FBXL19: variants seen among roughly 807,000 people sequenced by gnomAD.
The protein encoded by FBXL19 is F-box and leucine rich repeat protein 19, also known as F-box/LRR-repeat protein 19.
A neutral mutation model predicts 71.2 loss-of-function variants in FBXL19; 16 were observed. That is an observed-to-expected ratio of 0.22 (90% CI 0.15 to 0.34). FBXL19 has a LOEUF of 0.34. Among genes scored for constraint, FBXL19 ranks in the 10% least tolerant of loss-of-function variants. FBXL19 has a pLI of 1.00. For missense variants in FBXL19, 658 were observed against 968.2 expected (o/e 0.68, Z 4.25); for synonymous variants, 447 against 409.4 (o/e 1.09, Z -1.11).
chr16:30,931,596 T>G (rs530143893), intron 7 of FBXL19, among the ~76,000 whole-genome samples: 1 of 152,228 alleles, frequency 6.6e-6, no homozygotes, highest in Non-Finnish European at 1.5e-5. Flanking sequence ...AGTTCATGGC[T>G]GAACTCAAAC....
intron 2 of FBXL19, 55 bp from the exon 3 acceptor site, chr16:30,927,253 G>A: frequency 6.6e-7 from 1 of 1,505,740 alleles, no homozygotes; most frequent in Non-Finnish European, 8.9e-7. Context: ...AGAAGGAAGG[G>A]TCTTTCCCCT....
At chr16:30,928,354 C>T (rs971513785) in intron 5 of FBXL19, 113 bp from the exon 6 acceptor site, 10 of 1,159,024 alleles carry the variant, frequency 8.6e-6, no homozygotes, top group South Asian at 1.7e-5. Flanking sequence ...ATCCCTGGGA[C>T]GGGGGCTTCT....
intron 7 of FBXL19, among the ~76,000 whole-genome samples, chr16:30,933,139 TA>T (rs2055693943): frequency 6.6e-6 from 1 of 152,056 alleles, no homozygotes; most frequent in African/African-American, 2.4e-5. Context: ...TAGCTGGGAC[TA>T]CAGGCATACG....
At position 30,928,549 on chromosome 16, in the gene FBXL19, G is replaced by T. The variant is rs1185120037; in HGVS notation, c.710G>T (p.Gly237Val). ...LLRGSDPGGP[G>V]LLPPRVLNPS... is the part of the protein sequence containing the mutation. Reference sequence around the variant, plus strand: ...CGAGGATCGGACCCAGGCGGCCCGGGCCTGCTGCCCCCCAGGGTTCTGAAT... The same window carrying T: ...CGAGGATCGGACCCAGGCGGCCCGGTCCTGCTGCCCCCCAGGGTTCTGAAT... Residue 237 changes from glycine (G) to valine (V), a missense_variant, in exon 6 of 11, where the codon GGC becomes GTC. Gly to Val is a moderately radical substitution (Grantham distance 109). This residue lies in a region of FBXL19 where 447 missense variants were observed against 515.4 expected (regional missense o/e 0.87). Transcript: ENST00000338343. 6.2e-7 allele frequency: 1 copy of T among 1,608,354 alleles called. No homozygotes were observed. Among genetic ancestry groups the T allele is most frequent in the Non-Finnish European group, 8.5e-7 (1 of 1,177,402 alleles).
chr16:30,943,367 A>ATTTTTTTTTTTTT (rs34002102), intron 9 of FBXL19, among the ~76,000 whole-genome samples: 2 of 67,586 alleles, frequency 3.0e-5, no homozygotes, highest in Non-Finnish European at 5.6e-5. Context: ...TTTTTTTGTA[A>ATTTTTTTTTTTTT]TTTTTTTTTT....
At chr16:30,938,210 C>T (rs1259562406) in intron 7 of FBXL19, among the ~76,000 whole-genome samples, 1 of 151,984 alleles carries the variant, frequency 6.6e-6, no homozygotes, top group East Asian at 1.9e-4. Context: ...GTGCCCTCAG[C>T]CTTCTCTAAA....
chr16:30,924,777 G>A (rs781729886), intron 1 of FBXL19: 2 of 1,478,574 alleles, frequency 1.4e-6, no homozygotes, highest in Non-Finnish European at 1.8e-6. Context: ...GGGTAAGACT[G>A]ACTGGGAAGA....
In FBXL19 at chr16:30,947,267, G is replaced by T. The variant is rs754708360; in HGVS notation, c.*37G>T. 1.1e-5 allele frequency: 17 copies of T among 1,492,092 alleles called. No individual in the cohort carries two copies. The highest frequency in any genetic ancestry group is 1.3e-5 in the Non-Finnish European group (15 of 1,118,638). The allele number at this position is 1,492,092 out of a possible 1,614,324, so 92.4% of individuals were successfully genotyped here. ...CCACCCTCCCCCGGACTCGACAGGA[G>T]CCTGGACCTCCGGCTTCATTTCACC... On this transcript the variant is annotated 3_prime_UTR_variant, in exon 11 of 11. Coordinates refer to ENST00000338343, the MANE Select transcript of FBXL19 (RefSeq NM_001382779.1).
At chr16:30,933,007 A>AT (rs538518289) in intron 7 of FBXL19, among the ~76,000 whole-genome samples, 576 of 142,054 alleles carry the variant, frequency 4.1e-3, no homozygotes, top group Admixed American at 6.6e-3. Flanking sequence ...TGCCTGGCTA[A>AT]TTTTTTTTTT....
rs2055564271 is a variant in FBXL19 at position 30,924,352 on chromosome 16, G to T, written c.-132G>T. 1 of 162,482 alleles carries T rather than the reference G, an allele frequency of 6.2e-6. No homozygotes were observed. The highest frequency in any genetic ancestry group is 2.4e-5 in the African/African-American group (1 of 41,754). The allele number at this position is 162,482 out of a possible 1,614,324, so 10.1% of individuals were successfully genotyped here. Reference sequence around the variant, plus strand: ...CCCTCGGGGGGCCGTGGACCCCGGCGTTCTGAGCGTTCCGCGCCCCGCGCC... The same window carrying T: ...CCCTCGGGGGGCCGTGGACCCCGGCTTTCTGAGCGTTCCGCGCCCCGCGCC... On this transcript the variant is annotated 5_prime_UTR_variant, in exon 1 of 11. Coordinates refer to ENST00000338343, the MANE Select transcript of FBXL19 (RefSeq NM_001382779.1).
intron 1 of FBXL19, 53 bp downstream of exon 1, chr16:30,924,512 A>G: frequency 1.1e-6 from 1 of 877,344 alleles, no homozygotes; most frequent in Non-Finnish European, 1.6e-6. Context: ...GCCCACTCCC[A>G]TTCATCCTCA....
chr16:30,946,959 TC>T lies in FBXL19; in HGVS notation c.1846+16del. On this transcript the variant is annotated intron_variant, in intron 10 of 10. Coordinates refer to ENST00000338343, the MANE Select transcript of FBXL19 (RefSeq NM_001382779.1). The surrounding 1 kb of genome is among the most constrained non-coding windows in gnomAD (Gnocchi z 6.7). ...ACCTCAATCTTGCTGGTAAGCACGG[TC>T]CCCCATCCGTCCTGCCAGCCTGTGG... 6.3e-7 allele frequency: 1 copy of T among 1,598,822 alleles called. No homozygotes were observed.
intron 6 of FBXL19, among the ~76,000 whole-genome samples, chr16:30,929,597 C>T (rs779212534): frequency 3.3e-5 from 5 of 152,154 alleles, no homozygotes; most frequent in African/African-American, 4.8e-5. Context: ...CTCGCTCTGT[C>T]GCCCGTACTG....
At chr16:30,928,041 G>C (rs2055619118) in intron 5 of FBXL19, 78 bp downstream of exon 5, 5 of 1,029,370 alleles carry the variant, frequency 4.9e-6, no homozygotes, top group Non-Finnish European at 7.0e-6. Context: ...CTGTGGGGCT[G>C]TGTGGGCCTG....
At chr16:30,932,732 G>T (rs1374133471) in intron 7 of FBXL19, among the ~76,000 whole-genome samples, 1 of 152,134 alleles carries the variant, frequency 6.6e-6, no homozygotes, top group Admixed American at 6.6e-5. Flanking sequence ...AAAAGGACAC[G>T]AGCCGGGCAG....
intron 5 of FBXL19, 52 bp from the exon 6 acceptor site, chr16:30,928,415 A>G: frequency 6.8e-7 from 1 of 1,471,374 alleles, no homozygotes. Context: ...CTGGCCCATG[A>G]GGGCCTAATG....
At chr16:30,935,278 C>G (rs2055720102) in intron 7 of FBXL19, among the ~76,000 whole-genome samples, 1 of 152,156 alleles carries the variant, frequency 6.6e-6, no homozygotes, top group Non-Finnish European at 1.5e-5. Flanking sequence ...GTGAGATCAT[C>G]TTCGCTGAAT....
rs1232315527 is a variant in FBXL19, at chr16:30,946,320, C to T, written c.1628-410C>T. Among the ~76,000 whole-genome samples, 2 of 152,216 alleles carry T rather than the reference C, an allele frequency of 1.3e-5. No homozygotes were observed. Among genetic ancestry groups the T allele is most frequent in the South Asian group, 2.1e-4 (1 of 4,838 alleles). ...TCGGGTTCAAGTGATTCTCCTGCCT[C>T]AGCCTCCTGAGTAGCCGGGATTACA... On this transcript the variant is annotated intron_variant, in intron 9 of 10. Coordinates refer to ENST00000338343, the MANE Select transcript of FBXL19 (RefSeq NM_001382779.1). This position sits in a 1 kb window ranked among gnomAD's most constrained non-coding sequence, Gnocchi z 6.7.
At chr16:30,939,357 G>A (rs1394104117) in intron 7 of FBXL19, among the ~76,000 whole-genome samples, 1 of 148,690 alleles carries the variant, frequency 6.7e-6, no homozygotes, top group Non-Finnish European at 1.5e-5. Flanking sequence ...ACCACACTTG[G>A]ACTTTTGTGT....
Sources: gnomAD v4.1 joint callset for allele counts (sites outside exome capture counted in the v4.1 genomes callset) on GRCh38, gnomAD v4.1.1 for gene constraint, gnomAD v4.1.1 regional missense constraint, Gnocchi (gnomAD v3.1) non-coding constraint, MANE v1.5 for transcripts, NCBI Gene and HGNC (gene_info 2026-07-23, HGNC 2026-07-21) for gene names.